Variants in MSRA observed in about 807,000 individuals in gnomAD.
MSRA encodes mitochondrial peptide methionine sulfoxide reductase.
A neutral mutation model predicts 31.3 loss-of-function variants in MSRA; 54 were observed. The ratio of observed to expected loss-of-function variants is 1.73; its 90% CI spans 1.39 to 2.17. The LOEUF (loss-of-function observed/expected upper bound fraction) is 2.17. Among genes scored for constraint, MSRA ranks in the 30% most tolerant of loss-of-function variants. The probability of loss-of-function intolerance (pLI) is 0.00; values close to 1 mark genes in which losing one functional copy is unlikely to be tolerated. For synonymous variants in MSRA, 169 were observed against 116.5 expected (o/e 1.45, Z -2.90); for missense variants, 507 against 300.9 (o/e 1.69, Z -5.07).
At chr8:10,054,963 G>T (rs1802248943) in intron 1 of MSRA, among the ~76,000 whole-genome samples, 1 of 152,240 alleles carries the variant, frequency 6.6e-6, no homozygotes. Flanking sequence ...GTTTTGGGCA[G>T]GAAATGTGCC....
intron 5 of MSRA, among the ~76,000 whole-genome samples, chr8:10,363,102 C>T (rs550383707): frequency 3.8e-4 from 58 of 152,316 alleles, no homozygotes; most frequent in African/African-American, 1.3e-3. Context: ...ATTTTCCCCC[C>T]AGAAATGTCC....
intron 5 of MSRA, among the ~76,000 whole-genome samples, chr8:10,343,224 G>T (rs575074049): frequency 6.6e-6 from 1 of 152,276 alleles, no homozygotes; most frequent in East Asian, 1.9e-4. Flanking sequence ...CAGCATCGCA[G>T]GGGAAAGGGA....
At chr8:10,179,285 A>G (rs964149779) in intron 1 of MSRA, among the ~76,000 whole-genome samples, 1 of 152,228 alleles carries the variant, frequency 6.6e-6, no homozygotes, top group Admixed American at 6.5e-5. Flanking sequence ...TGCATGCTAA[A>G]TAGGTACCAA....
intron 2 of MSRA, among the ~76,000 whole-genome samples, chr8:10,242,446 A>C (rs1797384788): frequency 6.6e-6 from 1 of 152,134 alleles, no homozygotes; most frequent in Non-Finnish European, 1.5e-5. Flanking sequence ...GGAGTGTAGC[A>C]CACAGGGAGG....
chr8:10,188,810 G>A (rs555109213), intron 1 of MSRA, among the ~76,000 whole-genome samples: 1 of 152,218 alleles, frequency 6.6e-6, no homozygotes, highest in South Asian at 2.1e-4. Context: ...TCAGGTAGTG[G>A]AAGTATTCCA....
chr8:10,360,178 G>T (rs989524661), intron 5 of MSRA, among the ~76,000 whole-genome samples: 4 of 152,214 alleles, frequency 2.6e-5, no homozygotes, highest in Admixed American at 2.0e-4. Context: ...GCTGCTCTCA[G>T]TGTTAGCCAC....
chr8:10,293,810 GC>G (rs1204591776), intron 3 of MSRA, among the ~76,000 whole-genome samples: 1 of 152,078 alleles, frequency 6.6e-6, no homozygotes, highest in Non-Finnish European at 1.5e-5. Flanking sequence ...GATGACTGGG[GC>G]AGCAGGTGCT....
At chr8:10,179,032 TAGAA>T (rs1806310637) in intron 1 of MSRA, among the ~76,000 whole-genome samples, 1 of 152,172 alleles carries the variant, frequency 6.6e-6, no homozygotes, top group South Asian at 2.1e-4. Flanking sequence ...TCGTGAGCAC[TAGAA>T]AGAGTTAAAA....
At chr8:10,420,966 CAGCCTG>C (rs1434277904) in intron 5 of MSRA, among the ~76,000 whole-genome samples, 1 of 152,042 alleles carries the variant, frequency 6.6e-6, no homozygotes, top group Non-Finnish European at 1.5e-5. Flanking sequence ...CACTGCACTC[CAGCCTG>C]GGTGACAGAG....
intron 5 of MSRA, among the ~76,000 whole-genome samples, chr8:10,400,547 G>A (rs945561732): frequency 6.6e-6 from 1 of 152,164 alleles, no homozygotes; most frequent in Non-Finnish European, 1.5e-5. Flanking sequence ...GACTTGGGAT[G>A]GTGCACCTGC....
At chr8:10,130,933 A>T (rs1801849238) in intron 1 of MSRA, among the ~76,000 whole-genome samples, 2 of 152,212 alleles carry the variant, frequency 1.3e-5, no homozygotes. Flanking sequence ...AACCTTTCTT[A>T]TAGGGCCTTT....
At chr8:10,366,843 T>C (rs1369824534) in intron 5 of MSRA, among the ~76,000 whole-genome samples, 2 of 152,170 alleles carry the variant, frequency 1.3e-5, no homozygotes, top group Non-Finnish European at 2.9e-5. Context: ...TAACTGGTTG[T>C]GCTGACCACC....
At chr8:10,388,763 G>C (rs922314571) in intron 5 of MSRA, among the ~76,000 whole-genome samples, 2 of 151,896 alleles carry the variant, frequency 1.3e-5, no homozygotes, top group African/African-American at 4.8e-5. Flanking sequence ...AGATAATTCC[G>C]TGTTGGGGGA....
chr8:10,134,212 C>T lies in MSRA; in HGVS notation c.143-73621C>T, dbSNP rs535772727. Among the ~76,000 whole-genome samples, 121 of 152,316 alleles carry T rather than the reference C, an allele frequency of 7.9e-4. 2 individuals are homozygous for T. The South Asian group carries it at 0.024, about 30-fold the overall frequency. ...TGCCATCCGACCTCCTGTGTTCACT[C>T]TCTGCACCTTTCTATTGTTTCACTG... On this transcript the variant is annotated intron_variant, in intron 1 of 5. Transcript: ENST00000317173.
At chr8:10,124,611 G>A (rs1367840242) in intron 1 of MSRA, among the ~76,000 whole-genome samples, 1 of 152,198 alleles carries the variant, frequency 6.6e-6, no homozygotes, top group Non-Finnish European at 1.5e-5. Context: ...TCAGTAAATA[G>A]AACAGGATGT....
At chr8:10,308,937 A>G (rs763592886) in intron 4 of MSRA, among the ~76,000 whole-genome samples, 5 of 152,212 alleles carry the variant, frequency 3.3e-5, no homozygotes, top group Non-Finnish European at 7.3e-5. Flanking sequence ...ATCTGCCACT[A>G]AGACTGGCCC....
intron 3 of MSRA, among the ~76,000 whole-genome samples, chr8:10,245,859 A>G (rs1797597046): frequency 6.6e-6 from 1 of 152,250 alleles, no homozygotes; most frequent in African/African-American, 2.4e-5. Flanking sequence ...CCAATATGGG[A>G]TGGCTCCCCA....
At chr8:10,171,383 TTA>T (rs1805572589) in intron 1 of MSRA, among the ~76,000 whole-genome samples, 1 of 151,766 alleles carries the variant, frequency 6.6e-6, no homozygotes, top group African/African-American at 2.4e-5. Flanking sequence ...TTTTTTTTTT[TTA>T]ACAGAGCTTT....
intron 3 of MSRA, among the ~76,000 whole-genome samples, chr8:10,282,321 T>C (rs1563305362): frequency 6.6e-6 from 1 of 152,214 alleles, no homozygotes; most frequent in Non-Finnish European, 1.5e-5. Flanking sequence ...AATTTATATT[T>C]GGAAAGTCAC....
Sources: allele counts gnomAD v4.1 joint callset (sites outside exome capture counted in the v4.1 genomes callset), GRCh38; gene constraint gnomAD v4.1.1; transcripts MANE v1.5; gene names NCBI Gene and HGNC (gene_info 2026-07-23, HGNC 2026-07-21).